RAPGEF4: variants seen among roughly 807,000 people sequenced by gnomAD.
RAPGEF4 encodes Rap guanine nucleotide exchange factor 4, also known as RAP guanine-nucleotide-exchange factor (GEF) 4.
A neutral mutation model predicts 147.9 loss-of-function variants in RAPGEF4; 66 were observed. The observed-to-expected ratio is 0.45, with a 90% CI of 0.37 to 0.55. The LOEUF is 0.55. Ranked by LOEUF, RAPGEF4 falls within the 20% of genes least tolerant of loss-of-function variation. The probability of loss-of-function intolerance (pLI) is 0.00; values close to 1 mark genes in which losing one functional copy is unlikely to be tolerated. For synonymous variants in RAPGEF4, 419 were observed against 442.7 expected (o/e 0.95, Z 0.67); for missense variants, 1,071 against 1,257.3 (o/e 0.85, Z 2.24).
At chr2:172,750,103 C>T (rs1223352571) in intron 1 of RAPGEF4, among the ~76,000 whole-genome samples, 1 of 152,092 alleles carries the variant, frequency 6.6e-6, no homozygotes, top group Non-Finnish European at 1.5e-5. Flanking sequence ...CCCACATTTT[C>T]CTGTCTTCTT....
intron 4 of RAPGEF4, among the ~76,000 whole-genome samples, chr2:172,872,370 T>C (rs1035155783): frequency 5.9e-5 from 9 of 152,186 alleles, no homozygotes; most frequent in Admixed American, 4.6e-4. Flanking sequence ...ACTTTTAGGA[T>C]AAGGCATCCT....
chr2:172,937,972 AT>A (rs1357288795), intron 6 of RAPGEF4, among the ~76,000 whole-genome samples: 1 of 151,650 alleles, frequency 6.6e-6, no homozygotes, highest in Non-Finnish European at 1.5e-5. Context: ...GCTTTGTTTT[AT>A]TTTGTTTTAT....
At chr2:172,805,075 G>T (rs572166243) in intron 3 of RAPGEF4, among the ~76,000 whole-genome samples, 1 of 152,308 alleles carries the variant, frequency 6.6e-6, no homozygotes, top group South Asian at 2.1e-4. Flanking sequence ...CTGCTGAGCA[G>T]GGGAACCCAC....
intron 29 of RAPGEF4, among the ~76,000 whole-genome samples, chr2:173,041,110 A>T (rs1468323533): frequency 6.6e-6 from 1 of 152,200 alleles, no homozygotes; most frequent in Non-Finnish European, 1.5e-5. Flanking sequence ...TACAGAAGCT[A>T]ATTCATTAAG....
chr2:172,946,708 C>T (rs1687711651), intron 6 of RAPGEF4, among the ~76,000 whole-genome samples: 1 of 152,188 alleles, frequency 6.6e-6, no homozygotes, highest in Admixed American at 6.5e-5. Flanking sequence ...TGTTGCTCTT[C>T]CCTTCTTCCC....
intron 1 of RAPGEF4, among the ~76,000 whole-genome samples, chr2:172,786,977 A>C (rs188065715): frequency 6.6e-6 from 1 of 152,322 alleles, no homozygotes; most frequent in African/African-American, 2.4e-5. Flanking sequence ...TGGGAGGCCA[A>C]GGCGGGTGGA....
intron 4 of RAPGEF4, among the ~76,000 whole-genome samples, chr2:172,914,840 G>T (rs187787841): frequency 6.6e-6 from 1 of 152,198 alleles, no homozygotes; most frequent in African/African-American, 2.4e-5. Flanking sequence ...ATTATATTGC[G>T]CTGTAGTTTT....
intron 29 of RAPGEF4, among the ~76,000 whole-genome samples, chr2:173,038,970 T>C (rs1684403282): frequency 6.6e-6 from 1 of 152,196 alleles, no homozygotes; most frequent in Admixed American, 6.5e-5. Context: ...TCCCCATTTC[T>C]GCACTTCATA....
At chr2:172,894,853 A>G (rs1029984767) in intron 4 of RAPGEF4, among the ~76,000 whole-genome samples, 2 of 152,078 alleles carry the variant, frequency 1.3e-5, no homozygotes, top group African/African-American at 4.8e-5. Flanking sequence ...ATGCACATGC[A>G]TACTCTATTT....
At chr2:172,773,076 T>C (rs912544414) in intron 1 of RAPGEF4, among the ~76,000 whole-genome samples, 2 of 152,336 alleles carry the variant, frequency 1.3e-5, no homozygotes, top group Non-Finnish European at 2.9e-5. Flanking sequence ...CCACTTTTTG[T>C]ACATTTACAT....
intron 1 of RAPGEF4, among the ~76,000 whole-genome samples, chr2:172,773,361 A>G (rs1281242969): frequency 6.6e-6 from 1 of 152,248 alleles, no homozygotes; most frequent in Non-Finnish European, 1.5e-5. Flanking sequence ...CACTGTAATT[A>G]GGGACAAATG....
chr2:172,891,439 T>C (rs987305679), intron 4 of RAPGEF4, among the ~76,000 whole-genome samples: 10 of 152,252 alleles, frequency 6.6e-5, no homozygotes, highest in Non-Finnish European at 1.5e-5. Flanking sequence ...AGACATTTTC[T>C]ATAGAAGCCA....
At chr2:172,967,758 A>G (rs1179022472) in intron 10 of RAPGEF4, among the ~76,000 whole-genome samples, 1 of 152,258 alleles carries the variant, frequency 6.6e-6, no homozygotes, top group Non-Finnish European at 1.5e-5. Context: ...CTCTGTTTCT[A>G]TGCCAGCCTG....
chr2:172,998,837 T>G (rs1424836530), intron 16 of RAPGEF4, among the ~76,000 whole-genome samples: 1 of 152,188 alleles, frequency 6.6e-6, no homozygotes, highest in Non-Finnish European at 1.5e-5. Context: ...ATCAGCATCT[T>G]ACCTAAGGTA....
chr2:172,892,900 G>A (rs549450774), intron 4 of RAPGEF4, among the ~76,000 whole-genome samples: 1 of 152,348 alleles, frequency 6.6e-6, no homozygotes, highest in Admixed American at 6.5e-5. Flanking sequence ...ACTTCTGCAT[G>A]CATTGGTCCA....
At chr2:172,806,640 TG>T (rs1313138115) in intron 3 of RAPGEF4, among the ~76,000 whole-genome samples, 1 of 152,216 alleles carries the variant, frequency 6.6e-6, no homozygotes, top group Non-Finnish European at 1.5e-5. Flanking sequence ...GAAATGTACT[TG>T]GGATTTGAAA....
At chr2:172,805,317 A>G (rs1687385909) in intron 3 of RAPGEF4, among the ~76,000 whole-genome samples, 1 of 152,124 alleles carries the variant, frequency 6.6e-6, no homozygotes. Context: ...TGCCTTGAAA[A>G]CGTGTTTGTC....
intron 6 of RAPGEF4, among the ~76,000 whole-genome samples, chr2:172,948,002 G>A (rs563734089): frequency 8.5e-5 from 13 of 152,246 alleles, no homozygotes; most frequent in African/African-American, 2.9e-4. Flanking sequence ...ATAGTAATCT[G>A]TTTTTATGCT....
chr2:172,947,483 C>G (rs1016650714), intron 6 of RAPGEF4, among the ~76,000 whole-genome samples: 1 of 152,106 alleles, frequency 6.6e-6, no homozygotes, highest in African/African-American at 2.4e-5. Context: ...ACTGTCTAGC[C>G]AGGTAACCTC....
Sources: gnomAD v4.1 joint callset for allele counts (sites outside exome capture counted in the v4.1 genomes callset) on GRCh38, gnomAD v4.1.1 for gene constraint, MANE v1.5 for transcripts, NCBI Gene and HGNC (gene_info 2026-07-23, HGNC 2026-07-21) for gene names.